Variants in CABIN1 observed in about 807,000 individuals in gnomAD.
The protein encoded by CABIN1 is calcineurin-binding protein cabin-1.
Under a neutral mutation model 227.7 loss-of-function variants are expected in CABIN1, and 133 were observed. The ratio of observed to expected loss-of-function variants is 0.58; its 90% CI spans 0.51 to 0.67. The LOEUF is 0.67. Among genes scored for constraint, CABIN1 ranks in the 30% least tolerant of loss-of-function variants. The pLI is 0.00. For synonymous variants in CABIN1, 1,086 were observed against 1,155.1 expected, an observed-to-expected ratio of 0.94 and a Z score of 1.21; for missense variants, 2,408 against 2,852.5, an observed-to-expected ratio of 0.84 and a Z score of 3.55.
In CABIN1 at chr22:24,171,769, C is replaced by A. The variant is rs1018878567; in HGVS notation, c.5814C>A (p.Phe1938Leu). 10 of 1,614,204 alleles carry A rather than the reference C, an allele frequency of 6.2e-6. No individual in the cohort carries two copies. Among genetic ancestry groups the A allele is most frequent in the Middle Eastern group, 3.3e-4 (2 of 6,062 alleles). ...ACCCCAAAGACAGCCGAGAGAACTT[C>A]TTTCCTGTGACAGTGGTGCCCACAG... Reference protein sequence around the residue: ...PKHPKDSRENFFPVTVVPTAP... With the variant: ...PKHPKDSRENLFPVTVVPTAP... The change falls in exon 34 of 37, where the codon TTC (phenylalanine) becomes TTA (leucine). Residue 1938 changes from phenylalanine (F) to leucine (L), a missense_variant. Transcript: ENST00000263119.
rs773238327 is a variant in CABIN1 at position 24,119,375 on chromosome 22, G to A, written c.4309G>A (p.Glu1437Lys). ...CTTCTTCTCAACTGTAGGAAAAAACGAGGAGTCATTGGAGAGTACAGAAGG... is the reference window on the plus strand; with the variant it reads ...CTTCTTCTCAACTGTAGGAAAAAACAAGGAGTCATTGGAGAGTACAGAAGG... The part of the protein sequence containing the change: ...QGATEERGKN[E>K]ESLESTEGFR... Residue 1437 changes from glutamate (E) to lysine (K), a missense_variant, in exon 28 of 37, where the codon GAG becomes AAG. This residue lies in a region of CABIN1 where 649 missense variants were observed against 910.3 expected (regional missense o/e 0.71). Coordinates refer to ENST00000263119, the MANE Select transcript of CABIN1 (RefSeq NM_012295.4). 3 of 1,612,812 alleles carry A rather than the reference G, an allele frequency of 1.9e-6. No individual in the cohort carries two copies. Among genetic ancestry groups the A allele is most frequent in the African/African-American group, 1.3e-5 (1 of 74,934 alleles).
chr22:24,064,914 T>C (rs1156381729), intron 15 of CABIN1, among the ~76,000 whole-genome samples: 1 of 151,654 alleles, frequency 6.6e-6, no homozygotes, highest in East Asian at 1.9e-4. Flanking sequence ...CCATGTCTAC[T>C]TCTTTCTACA....
intron 19 of CABIN1, among the ~76,000 whole-genome samples, chr22:24,080,624 T>G (rs1419953771): frequency 6.6e-6 from 1 of 152,210 alleles, no homozygotes; most frequent in Non-Finnish European, 1.5e-5. Flanking sequence ...TCACTCTCAT[T>G]TTTTCAAAGT....
At chr22:24,066,459 C>T (rs1031784061) in intron 15 of CABIN1, among the ~76,000 whole-genome samples, 1 of 152,182 alleles carries the variant, frequency 6.6e-6, no homozygotes, top group Non-Finnish European at 1.5e-5. Flanking sequence ...AGCTCCAGAC[C>T]CTGCTGCAGT....
chr22:24,092,687 A>AGTGTGTGTGTGTGTGTGT (rs3221282), intron 24 of CABIN1, among the ~76,000 whole-genome samples: 8 of 138,814 alleles, frequency 5.8e-5, no homozygotes, highest in East Asian at 4.3e-4. Flanking sequence ...TGATTATAAA[A>AGTGTGTGTGTGTGTGTGT]GTGTGTGTGT....
intron 27 of CABIN1, among the ~76,000 whole-genome samples, chr22:24,115,511 G>A (rs1272308754): frequency 6.6e-6 from 1 of 152,168 alleles, no homozygotes; most frequent in Non-Finnish European, 1.5e-5. Context: ...GCTTTTCTTG[G>A]TAACCATGGT....
intron 6 of CABIN1, among the ~76,000 whole-genome samples, chr22:24,046,898 C>A (rs918513651): frequency 6.6e-6 from 1 of 151,982 alleles, no homozygotes; most frequent in African/African-American, 2.4e-5. Context: ...GGTAGAAAAC[C>A]CCCCCCACCG....
rs1463509196 is a variant in CABIN1, at chr22:24,049,144, G to A, written c.580G>A (p.Gly194Arg). 2.5e-6 allele frequency: 4 copies of A among 1,613,990 alleles called. No individual in the cohort carries two copies. The highest frequency in any genetic ancestry group is 3.4e-6 in the Non-Finnish European group (4 of 1,180,012). ...GGAGAAGGATTGCCGGTACAGCAAA[G>A]GGCTGGTCCTCAAGGAGAAGATTTT... ...ALEKDCRYSK[G>R]LVLKEKIFEE... Residue 194 changes from glycine to arginine, a missense_variant, in exon 7 of 37, where the codon GGG becomes AGG. Gly to Arg is a moderately radical substitution (Grantham distance 125). Around this residue, in one of 3 missense-constraint regions of CABIN1, gnomAD observed 1,045 missense variants for 1,168.4 expected, o/e 0.89. Transcript: ENST00000263119.
At chr22:24,059,158 C>G in intron 10 of CABIN1, 69 bp from the exon 11 acceptor site, 1 of 1,596,930 alleles carries the variant, frequency 6.3e-7, no homozygotes, top group Non-Finnish European at 8.6e-7. Context: ...GTTTCTCTAA[C>G]AGGAAGAGTT....
At chr22:24,089,067 A>G (rs2041364816) in intron 23 of CABIN1, among the ~76,000 whole-genome samples, 1 of 152,208 alleles carries the variant, frequency 6.6e-6, no homozygotes, top group Non-Finnish European at 1.5e-5. Flanking sequence ...TTGTAACAGC[A>G]GGAGCACCAT....
In CABIN1 at chr22:24,112,561, T is replaced by C. The variant is rs187086500; in HGVS notation, c.4118-1005T>C. On this transcript the variant is annotated intron_variant, in intron 26 of 36. Coordinates refer to ENST00000263119, the MANE Select transcript of CABIN1 (RefSeq NM_012295.4). ...TCCCTGCAGTAGACTCCCTTGCTTG[T>C]TACTCAGTGCATGCCAGCCTAGGGT... 2.6e-5 allele frequency among the ~76,000 whole-genome samples: 4 copies of C among 152,266 alleles called. No individual in the cohort carries two copies. The East Asian group carries it at 7.7e-4, about 29-fold the overall frequency.
intron 28 of CABIN1, among the ~76,000 whole-genome samples, chr22:24,125,558 G>T (rs1602226570): frequency 1.3e-5 from 2 of 152,250 alleles, no homozygotes; most frequent in African/African-American, 4.8e-5. Context: ...TTCGGGGGGA[G>T]CTGGTGAGCT....
At chr22:24,157,564 CAT>C (rs2045911820) in intron 29 of CABIN1, among the ~76,000 whole-genome samples, 1 of 152,192 alleles carries the variant, frequency 6.6e-6, no homozygotes, top group Non-Finnish European at 1.5e-5. Flanking sequence ...TAAGTGAAAT[CAT>C]GTGTTAAAGG....
rs2046492681 is a variant in CABIN1 at position 24,167,072 on chromosome 22, C to A, written c.5441C>A (p.Thr1814Asn). The change falls in exon 32 of 37, where the codon ACC becomes AAC. Residue 1814 changes from threonine (T) to asparagine (N), a missense_variant. Thr to Asn is a moderately conservative substitution (Grantham distance 65, BLOSUM62 0). Coordinates refer to ENST00000263119, the MANE Select transcript of CABIN1 (RefSeq NM_012295.4). ...ISARQQPTPLTPAQPAPAPAP... is the reference protein window; with the variant it reads ...ISARQQPTPLNPAQPAPAPAP... The stretch of plus-strand genomic sequence containing the variant: ...GCCCGGCAGCAGCCCACCCCGCTCA[C>A]CCCAGCCCAGCCAGCCCCCGCCCCC... The A allele has an allele frequency of 1.3e-6, 2 of 1,545,014 alleles. No individual in the cohort carries two copies. The highest frequency in any genetic ancestry group is 2.4e-5 in the East Asian group (1 of 40,830).
intron 19 of CABIN1, among the ~76,000 whole-genome samples, chr22:24,082,817 G>A (rs2040894285): frequency 6.6e-6 from 1 of 152,076 alleles, no homozygotes; most frequent in Non-Finnish European, 1.5e-5. Context: ...TCTCTCCACT[G>A]GAATCTGAAC....
intron 26 of CABIN1, among the ~76,000 whole-genome samples, chr22:24,113,329 A>G (rs2147789758): frequency 6.6e-6 from 1 of 152,352 alleles, no homozygotes; most frequent in Non-Finnish European, 1.5e-5. Flanking sequence ...ATTTACCAGA[A>G]TACCACTGTT....
chr22:24,169,152 G>T (rs1473156896), intron 33 of CABIN1, among the ~76,000 whole-genome samples: 2 of 152,156 alleles, frequency 1.3e-5, no homozygotes, highest in African/African-American at 4.8e-5. Context: ...CTAGAGGTGG[G>T]AGGGCTGGGA....
chr22:24,034,063 A>G (rs1260590543), intron 1 of CABIN1, among the ~76,000 whole-genome samples: 3 of 152,238 alleles, frequency 2.0e-5, no homozygotes, highest in Non-Finnish European at 4.4e-5. Flanking sequence ...ATCAGGCATT[A>G]GTTAGATTCT....
chr22:24,063,683 C>T (rs2039365958), intron 14 of CABIN1, among the ~76,000 whole-genome samples: 2 of 152,136 alleles, frequency 1.3e-5, no homozygotes, highest in African/African-American at 4.8e-5. Context: ...CTGTCAGCAA[C>T]CATTTAGTCT....
Sources: allele counts gnomAD v4.1 joint callset (sites outside exome capture counted in the v4.1 genomes callset), GRCh38; gene constraint gnomAD v4.1.1; regional missense constraint gnomAD v4.1.1; transcripts MANE v1.5; gene names NCBI Gene and HGNC (gene_info 2026-07-23, HGNC 2026-07-21).